Variants in SLC35D1 observed in about 807,000 individuals in gnomAD.
SLC35D1 encodes solute carrier family 35 member D1.
Under a neutral mutation model 46.7 loss-of-function variants are expected in SLC35D1, and 31 were observed. The ratio of observed to expected loss-of-function variants is 0.66; its 90% confidence interval spans 0.50 to 0.90. The LOEUF is 0.90. Ranked by LOEUF, SLC35D1 falls within the 40% of genes least tolerant of loss-of-function variation. SLC35D1 has a pLI of 0.00. For synonymous variants in SLC35D1, 195 were observed against 164.6 expected, an observed-to-expected ratio of 1.18 and a Z score of -1.41; for missense variants, 397 against 426.2, an observed-to-expected ratio of 0.93 and a Z score of 0.60.
In SLC35D1 at chr1:67,002,106, C is replaced by A. The variant is rs1471073095; in HGVS notation, c.*2234G>T. 1 of 152,318 alleles carries A rather than the reference C, an allele frequency of 6.6e-6. No individual in the cohort carries two copies. Among genetic ancestry groups the A allele is most frequent in the African/African-American group, 2.4e-5 (1 of 41,448 alleles). The allele number at this position is 152,318 out of a possible 1,614,324, so 9.4% of individuals were successfully genotyped here. On this transcript the variant is annotated 3_prime_UTR_variant, in exon 12 of 12. Coordinates refer to ENST00000235345, the MANE Select transcript of SLC35D1 (RefSeq NM_015139.3). ...CTACAACAAAAATTATTCAAACGTCCCTCCTTCATGTTGCTGACAGAAAGA... is the reference window on the plus strand; with the variant it reads ...CTACAACAAAAATTATTCAAACGTCACTCCTTCATGTTGCTGACAGAAAGA...
downstream of SLC35D1, among the ~76,000 whole-genome samples, chr1:66,994,921 G>GAAAAAAAA (rs61387414): frequency 1.0e-5 from 1 of 96,514 alleles, no homozygotes. Flanking sequence ...GGCAAAAAAA[G>GAAAAAAAA]AAAAAAAAAA....
At chr1:67,040,111 C>A (rs1226584829) in intron 8 of SLC35D1, among the ~76,000 whole-genome samples, 1 of 151,976 alleles carries the variant, frequency 6.6e-6, no homozygotes, top group Admixed American at 6.6e-5. Flanking sequence ...CCTCCCACCT[C>A]AGCCTCCCCA....
At chr1:67,052,145 A>T (rs1645315672) in intron 3 of SLC35D1, 66 bp from the exon 4 acceptor site, 1 of 1,147,864 alleles carries the variant, frequency 8.7e-7, no homozygotes, top group African/African-American at 1.5e-5. Flanking sequence ...GTCCTTTCAA[A>T]CAGAAACAAT....
the SLC35D1 span, chr1:66,985,573 C>T: frequency 1.0e-6 from 1 of 985,150 alleles, no homozygotes; most frequent in Non-Finnish European, 1.2e-6. Context: ...TTCTTTGTAG[C>T]CTTTGAAAGA....
At chr1:67,030,769 T>C (rs1668002245) in intron 8 of SLC35D1, among the ~76,000 whole-genome samples, 1 of 152,162 alleles carries the variant, frequency 6.6e-6, no homozygotes, top group African/African-American at 2.4e-5. Context: ...AGGCAGGATT[T>C]GAGGCACAAT....
At chr1:67,027,082 C>T (rs185394299) in intron 8 of SLC35D1, among the ~76,000 whole-genome samples, 2 of 152,204 alleles carry the variant, frequency 1.3e-5, no homozygotes, top group African/African-American at 4.8e-5. Context: ...TAGAGTTATT[C>T]ATACATTACC....
chr1:67,040,653 T>G (rs952172951), intron 8 of SLC35D1, among the ~76,000 whole-genome samples: 15 of 152,270 alleles, frequency 9.9e-5, no homozygotes, highest in Non-Finnish European at 5.9e-5. Context: ...AAGGCCCACT[T>G]TGACTTTTCC....
intron 7 of SLC35D1, among the ~76,000 whole-genome samples, chr1:67,046,965 TC>T (rs1645258183): frequency 6.6e-6 from 1 of 152,102 alleles, no homozygotes; most frequent in South Asian, 2.1e-4. Flanking sequence ...CCTCGGAAAG[TC>T]CTCTAGAATA....
intron 6 of SLC35D1, 54 bp downstream of exon 6, chr1:67,049,728 T>C (rs1645287588): frequency 6.9e-7 from 1 of 1,459,794 alleles, no homozygotes; most frequent in African/African-American, 1.4e-5. Flanking sequence ...CAATCATTTA[T>C]TATCAATAAT....
At chr1:66,976,849 G>A in the SLC35D1 span, 2 of 753,930 alleles carry the variant, frequency 2.7e-6, no homozygotes, top group Non-Finnish European at 3.9e-6. Flanking sequence ...AAGGCCGAGA[G>A]TGATAAAATC....
Position 67,005,619 on chromosome 1 carries a change from A to G in SLC35D1, c.960-1171T>C, listed in dbSNP as rs552370022. On this transcript the variant is annotated intron_variant, in intron 11 of 11. Transcript: ENST00000235345. ...TCTACTTGTCAAGCATTTTACATAC[A>G]TTTCCTGTTTTTGCAATATTCCTGC... Among the ~76,000 whole-genome samples, 6 of 152,256 alleles carry G rather than the reference A, an allele frequency of 3.9e-5. No individual in the cohort carries two copies. The South Asian group carries it at 8.3e-4, about 21-fold the overall frequency.
downstream of SLC35D1, among the ~76,000 whole-genome samples, chr1:66,996,573 T>C (rs896081236): frequency 6.6e-6 from 1 of 152,190 alleles, no homozygotes; most frequent in Non-Finnish European, 1.5e-5. Context: ...GGATGGGTGC[T>C]GGCCCCAGTG....
At chr1:67,033,109 TTTA>T (rs1482295669) in intron 8 of SLC35D1, among the ~76,000 whole-genome samples, 1 of 152,238 alleles carries the variant, frequency 6.6e-6, no homozygotes, top group Non-Finnish European at 1.5e-5. Flanking sequence ...TACTCCATTG[TTTA>T]TATGTACCAC....
intron 10 of SLC35D1, among the ~76,000 whole-genome samples, chr1:67,011,169 TG>T (rs546175339): frequency 7.9e-4 from 120 of 152,166 alleles, no homozygotes; most frequent in Non-Finnish European, 1.4e-3. Context: ...TACACTCCAC[TG>T]GGGGTTTAGG....
the SLC35D1 span, chr1:66,988,582 T>C: frequency 1.3e-5 from 2 of 152,144 alleles, no homozygotes; most frequent in Admixed American, 6.5e-5. Flanking sequence ...TAAAGAATTA[T>C]AGAATGTATA....
At chr1:66,987,483 A>G in the SLC35D1 span, 2 of 152,722 alleles carry the variant, frequency 1.3e-5, no homozygotes, top group African/African-American at 2.4e-5. Flanking sequence ...AGGATCTGCA[A>G]TTCAGTTCAA....
rs909097885 is a variant in SLC35D1, at chr1:67,020,534, G to A, written c.798-87C>T. On this transcript the variant is annotated intron_variant, in intron 9 of 11. Coordinates refer to ENST00000235345, the MANE Select transcript of SLC35D1 (RefSeq NM_015139.3). ...TAAACAATCAGTGTTGGCCAAGCCA[G>A]CACATTCTAGTCACTGACCAGCTAT... The A allele has an allele frequency of 5.4e-6, 5 of 918,202 alleles. No individual in the cohort carries two copies. In the African/African-American group the frequency reaches 8.2e-5, roughly 15 times the overall value. The allele number at this position is 918,202 out of a possible 1,614,324, so 56.9% of individuals were successfully genotyped here. A position where few individuals can be genotyped will look rare whatever the true frequency, so the allele number is the denominator to read the frequency against.
chr1:67,010,671 A>T (rs920566762), intron 10 of SLC35D1, among the ~76,000 whole-genome samples: 2 of 152,232 alleles, frequency 1.3e-5, no homozygotes, highest in African/African-American at 4.8e-5. Context: ...ATCTCAAATT[A>T]AAAAATCCAA....
chr1:66,994,730 T>G (rs1035276667), downstream of SLC35D1, among the ~76,000 whole-genome samples: 5 of 151,960 alleles, frequency 3.3e-5, no homozygotes, highest in East Asian at 3.9e-4. Flanking sequence ...AATTTTTAAA[T>G]CTTAGTTGAG....
Sources: allele counts gnomAD v4.1 joint callset (sites outside exome capture counted in the v4.1 genomes callset), GRCh38; gene constraint gnomAD v4.1.1; transcripts MANE v1.5; gene names NCBI Gene and HGNC (gene_info 2026-07-23, HGNC 2026-07-21).